Variants in RMND1 observed in about 807,000 individuals in gnomAD.
The protein encoded by RMND1 is required for meiotic nuclear division 1 homolog.
Under a neutral mutation model 54.0 loss-of-function variants are expected in RMND1, and 41 were observed. The ratio of observed to expected loss-of-function variants is 0.76; its 90% CI spans 0.59 to 0.98. RMND1 has a LOEUF of 0.98. Ranked by LOEUF, RMND1 falls within the 50% of genes least tolerant of loss-of-function variation. The pLI is 0.00. For missense variants in RMND1, 457 were observed against 532.0 expected, an observed-to-expected ratio of 0.86 and a Z score of 1.39; for synonymous variants, 183 against 181.7, an observed-to-expected ratio of 1.01 and a Z score of -0.06.
At chr6:151,417,832 CAG>C (rs984124780) in intron 9 of RMND1, among the ~76,000 whole-genome samples, 3 of 148,630 alleles carry the variant, frequency 2.0e-5, no homozygotes, top group African/African-American at 4.9e-5. Context: ...TTTTTTGAGA[CAG>C]AGTCACTCTT....
chr6:151,431,594 C>A (rs1372597807), intron 4 of RMND1, among the ~76,000 whole-genome samples: 1 of 151,972 alleles, frequency 6.6e-6, no homozygotes, highest in Non-Finnish European at 1.5e-5. Flanking sequence ...CAGAGGAATG[C>A]ACTGTGCTGT....
At chr6:151,435,667 G>A (rs952304235) in intron 3 of RMND1, among the ~76,000 whole-genome samples, 11 of 150,900 alleles carry the variant, frequency 7.3e-5, no homozygotes, top group Admixed American at 2.0e-4. Context: ...TGATCTGCCC[G>A]CCTCGGCCTC....
chr6:151,424,192 G>T (rs1253722781), intron 6 of RMND1, among the ~76,000 whole-genome samples: 1 of 152,062 alleles, frequency 6.6e-6, no homozygotes, highest in Non-Finnish European at 1.5e-5. Flanking sequence ...TGGGCACGGT[G>T]GCTCACGCCT....
intron 5 of RMND1, 31 bp from the exon 6 acceptor site, chr6:151,427,613 A>G: frequency 1.5e-6 from 2 of 1,351,340 alleles, no homozygotes; most frequent in Non-Finnish European, 2.1e-6. Flanking sequence ...ATCTGAAATC[A>G]TAACTGACTC....
intron 10 of RMND1, among the ~76,000 whole-genome samples, chr6:151,415,292 T>C (rs184649761): frequency 1.8e-4 from 27 of 152,110 alleles, no homozygotes; most frequent in African/African-American, 6.0e-4. Context: ...TTTTTTTTTT[T>C]CTGCATCCAA....
chr6:151,432,988 A>G (rs1011514896), intron 4 of RMND1, among the ~76,000 whole-genome samples, 167 bp downstream of exon 4: 1 of 152,216 alleles, frequency 6.6e-6, no homozygotes, highest in Admixed American at 6.5e-5. Context: ...GAGAATTCCT[A>G]AAAGTGACAA....
At chr6:151,424,756 G>A (rs1780248282) in intron 6 of RMND1, among the ~76,000 whole-genome samples, 1 of 148,984 alleles carries the variant, frequency 6.7e-6, no homozygotes, top group Non-Finnish European at 1.5e-5. Context: ...CCTAGACAGG[G>A]GACAGGGGAA....
At chr6:151,412,241 A>T (rs758239368) in intron 10 of RMND1, among the ~76,000 whole-genome samples, 43 of 152,046 alleles carry the variant, frequency 2.8e-4, no homozygotes, top group Non-Finnish European at 4.7e-4. Context: ...ACCTCAGGTG[A>T]TCCACTCACC....
intron 10 of RMND1, among the ~76,000 whole-genome samples, chr6:151,407,641 C>T (rs977254662): frequency 6.6e-6 from 1 of 152,186 alleles, no homozygotes; most frequent in South Asian, 2.1e-4. Flanking sequence ...GGTGCAGTGG[C>T]TCTTGCCTAT....
chr6:151,422,091 C>G (rs1780166484), intron 8 of RMND1, among the ~76,000 whole-genome samples: 1 of 152,058 alleles, frequency 6.6e-6, no homozygotes, highest in Non-Finnish European at 1.5e-5. Context: ...CTGTAGTTTT[C>G]TTATTGTTTG....
chr6:151,443,713 G>C (rs1780859528), intron 2 of RMND1, among the ~76,000 whole-genome samples: 1 of 152,110 alleles, frequency 6.6e-6, no homozygotes, highest in African/African-American at 2.4e-5. Context: ...GTTACATAAT[G>C]TCTCCTATAA....
chr6:151,406,911 G>A (rs1424629144), intron 10 of RMND1, among the ~76,000 whole-genome samples: 4 of 152,032 alleles, frequency 2.6e-5, no homozygotes, highest in African/African-American at 9.7e-5. Flanking sequence ...TGTAATCCTA[G>A]CATTTTGGGA....
chr6:151,441,676 GA>G lies in RMND1; in HGVS notation c.504+3631del, dbSNP rs1309534465. ...ATGGGGTCTGGAGAACTCCTGGGTT[GA>G]TCAATGCATCCATGTGCCAGGAGGG... is the stretch of plus-strand genomic sequence containing the variant. On this transcript the variant is annotated intron_variant, in intron 2 of 11. Coordinates refer to ENST00000444024, the MANE Select transcript of RMND1 (RefSeq NM_017909.4). Among the ~76,000 whole-genome samples the G allele has an allele frequency of 7.2e-5, 11 of 152,280 alleles. 1 individual carries two copies. In the South Asian group the frequency reaches 1.4e-3, roughly 20 times the overall value.
At chr6:151,438,737 G>A (rs1038490456) in intron 2 of RMND1, among the ~76,000 whole-genome samples, 2 of 151,666 alleles carry the variant, frequency 1.3e-5, no homozygotes, top group African/African-American at 4.8e-5. Context: ...GTTGTCTCAC[G>A]TCTGCTTCAC....
chr6:151,441,993 T>G (rs189844115), intron 2 of RMND1, among the ~76,000 whole-genome samples: 3 of 152,286 alleles, frequency 2.0e-5, no homozygotes, highest in African/African-American at 7.2e-5. Context: ...CTCTGGCTAG[T>G]GCTGGAATTG....
Position 151,417,294 on chromosome 6 carries a change from A to G in RMND1, c.1185T>C (p.Ile395=). ...AAATACGTACCTTAACTCTTCGGCC[A>G]ATGCTAAGGAATTGACACGTTTTAT... ...LYDKTCQFLS[I]GRRVKVMNEK... The change falls in exon 10 of 12, where the codon ATT becomes ATC. Residue 395 remains isoleucine, a synonymous_variant. Coordinates refer to ENST00000444024, the MANE Select transcript of RMND1 (RefSeq NM_017909.4). 6.2e-7 allele frequency: 1 copy of G among 1,611,788 alleles called. No homozygotes were observed. The highest frequency in any genetic ancestry group is 8.5e-7 in the Non-Finnish European group (1 of 1,179,452).
At chr6:151,426,038 G>C (rs1318909500) in intron 6 of RMND1, among the ~76,000 whole-genome samples, 2 of 150,498 alleles carry the variant, frequency 1.3e-5, no homozygotes, top group East Asian at 3.9e-4. Context: ...CTGCCTCCCA[G>C]GTTCAAGCAA....
In RMND1 at chr6:151,421,253, A is replaced by G. The variant is rs753893076; in HGVS notation, c.1071T>C (p.Phe357=). The G allele has an allele frequency of 6.2e-7, 1 of 1,606,728 alleles. No individual in the cohort carries two copies. Among genetic ancestry groups the G allele is most frequent in the South Asian group, 1.1e-5 (1 of 90,164 alleles). The part of the protein sequence containing the change: ...EEVMQKIGEL[F]ALRHRINLSS... ...AGAGAGAAAACTTTTACCTTAGAGC[A>G]AAGAGTTCACCGATTTTCTGCATAA... The change falls in exon 9 of 12, where the codon TTT becomes TTC. Residue 357 remains phenylalanine, a synonymous_variant. Coordinates refer to ENST00000444024, the MANE Select transcript of RMND1 (RefSeq NM_017909.4).
intron 4 of RMND1, among the ~76,000 whole-genome samples, chr6:151,431,414 A>T (rs2114951146): frequency 6.6e-6 from 1 of 152,284 alleles, no homozygotes; most frequent in South Asian, 2.1e-4. Context: ...AGACAAACAG[A>T]CTGGTGGTGG....
Sources: allele counts gnomAD v4.1 joint callset (sites outside exome capture counted in the v4.1 genomes callset), GRCh38; gene constraint gnomAD v4.1.1; transcripts MANE v1.5; gene names NCBI Gene and HGNC (gene_info 2026-07-23, HGNC 2026-07-21).